ZFAND3: variants seen among roughly 807,000 people sequenced by gnomAD.
ZFAND3 encodes the protein AN1-type zinc finger protein 3.
A neutral mutation model predicts 29.6 loss-of-function variants in ZFAND3; 10 were observed. That is an observed-to-expected ratio of 0.34 (90% CI 0.21 to 0.57). The LOEUF (loss-of-function observed/expected upper bound fraction) is 0.57, where lower values mean the gene tolerates loss of function less well. Among genes scored for constraint, ZFAND3 ranks in the 20% least tolerant of loss-of-function variants. The pLI is 0.86. For missense variants in ZFAND3, 230 were observed against 304.5 expected, an observed-to-expected ratio of 0.76 and a Z score of 1.82; for synonymous variants, 128 against 112.6, an observed-to-expected ratio of 1.14 and a Z score of -0.87.
chr6:38,124,719 G>T (rs2127488557), intron 5 of ZFAND3, among the ~76,000 whole-genome samples: 1 of 152,336 alleles, frequency 6.6e-6, no homozygotes, highest in South Asian at 2.1e-4. Context: ...CTCCCTGCAA[G>T]CTGAGGGAGC....
chr6:37,894,034 C>G (rs576853942), intron 1 of ZFAND3, among the ~76,000 whole-genome samples: 33 of 152,190 alleles, frequency 2.2e-4, no homozygotes, highest in Admixed American at 1.9e-3. Flanking sequence ...GTGAGTGGAT[C>G]CCTTGAGTCC....
At chr6:37,837,833 T>C (rs909979751) in intron 1 of ZFAND3, among the ~76,000 whole-genome samples, 1 of 152,160 alleles carries the variant, frequency 6.6e-6, no homozygotes, top group Non-Finnish European at 1.5e-5. Context: ...GAACAACATA[T>C]ATAGAGAACA....
At chr6:38,030,740 G>C (rs1388276926) in intron 2 of ZFAND3, among the ~76,000 whole-genome samples, 1 of 152,068 alleles carries the variant, frequency 6.6e-6, no homozygotes, top group African/African-American at 2.4e-5. Context: ...AACCAAGGGA[G>C]TCTATGACCT....
chr6:37,846,013 C>G (rs1764170881), intron 1 of ZFAND3, among the ~76,000 whole-genome samples: 1 of 152,202 alleles, frequency 6.6e-6, no homozygotes, highest in Non-Finnish European at 1.5e-5. Flanking sequence ...ATCTCTACCT[C>G]AGCTCTTAGA....
chr6:38,080,596 C>T lies in ZFAND3; in HGVS notation c.296-1796C>T, dbSNP rs189760576. On this transcript the variant is annotated intron_variant, in intron 3 of 5. Transcript: ENST00000287218. Reference sequence around the variant, plus strand: ...TTTTTGTTTGTTTTGTTAAAGAAACCGAGGATCACTTATCCAAGATTACTC... The same window carrying T: ...TTTTTGTTTGTTTTGTTAAAGAAACTGAGGATCACTTATCCAAGATTACTC... 3.3e-3 allele frequency among the ~76,000 whole-genome samples: 502 copies of T among 152,088 alleles called. 1 individual carries two copies. Among genetic ancestry groups the T allele is most frequent in the Non-Finnish European group, 5.3e-3 (357 of 67,992 alleles).
intron 5 of ZFAND3, among the ~76,000 whole-genome samples, chr6:38,128,382 A>G (rs1329840090): frequency 1.3e-5 from 2 of 152,180 alleles, no homozygotes; most frequent in African/African-American, 4.8e-5. Context: ...TTGTTTGTTT[A>G]CATGATTAAA....
intron 1 of ZFAND3, among the ~76,000 whole-genome samples, chr6:37,896,613 T>G (rs1384033828): frequency 1.4e-5 from 2 of 147,978 alleles, no homozygotes; most frequent in African/African-American, 5.0e-5. Flanking sequence ...TCTCTCTTTC[T>G]TTCTTTTCTT....
At chr6:38,137,138 A>G (rs1022378526) in intron 5 of ZFAND3, among the ~76,000 whole-genome samples, 1 of 152,262 alleles carries the variant, frequency 6.6e-6, no homozygotes, top group African/African-American at 2.4e-5. Flanking sequence ...CCAGGAGAGT[A>G]TCCAGTGCTA....
At chr6:37,848,695 C>T (rs1023042540) in intron 1 of ZFAND3, among the ~76,000 whole-genome samples, 3 of 152,116 alleles carry the variant, frequency 2.0e-5, no homozygotes, top group Admixed American at 6.5e-5. Flanking sequence ...AGAGCTGTCT[C>T]GCTTAGAATG....
chr6:37,985,231 G>T (rs1423073835), intron 2 of ZFAND3, among the ~76,000 whole-genome samples: 1 of 152,168 alleles, frequency 6.6e-6, no homozygotes, highest in Non-Finnish European at 1.5e-5. Flanking sequence ...GCTGAGATAG[G>T]AGGATCACTT....
intron 1 of ZFAND3, among the ~76,000 whole-genome samples, chr6:37,867,175 C>G (rs1431949168): frequency 1.3e-5 from 2 of 152,184 alleles, no homozygotes; most frequent in African/African-American, 4.8e-5. Flanking sequence ...TTTGAAGAAA[C>G]TTGGATTTCC....
At chr6:37,955,624 T>C (rs986343865) in intron 2 of ZFAND3, among the ~76,000 whole-genome samples, 1 of 152,232 alleles carries the variant, frequency 6.6e-6, no homozygotes, top group Non-Finnish European at 1.5e-5. Flanking sequence ...GTAACTATTA[T>C]AAACCACTTA....
chr6:38,029,024 CA>C (rs1473707529), intron 2 of ZFAND3, among the ~76,000 whole-genome samples: 1 of 152,128 alleles, frequency 6.6e-6, no homozygotes, highest in Non-Finnish European at 1.5e-5. Context: ...TTGAACTTTA[CA>C]TAATAACCGG....
At chr6:37,958,306 T>A (rs1762135890) in intron 2 of ZFAND3, among the ~76,000 whole-genome samples, 1 of 152,028 alleles carries the variant, frequency 6.6e-6, no homozygotes, top group Admixed American at 6.6e-5. Context: ...ATACAAAGAT[T>A]AGCTGGGCGT....
intron 2 of ZFAND3, among the ~76,000 whole-genome samples, chr6:38,047,492 C>T (rs1763927372): frequency 6.6e-6 from 1 of 152,026 alleles, no homozygotes; most frequent in Non-Finnish European, 1.5e-5. Flanking sequence ...AATAAGATTA[C>T]TCAAAATTAC....
At chr6:38,066,793 T>G in intron 3 of ZFAND3, among the ~76,000 whole-genome samples, 1 of 152,186 alleles carries the variant, frequency 6.6e-6, no homozygotes, top group Admixed American at 6.5e-5. Context: ...CAAAAGTATG[T>G]AAAACTTAGA....
At chr6:38,141,979 G>A (rs191520965) in intron 5 of ZFAND3, among the ~76,000 whole-genome samples, 115 of 152,336 alleles carry the variant, frequency 7.5e-4, no homozygotes, top group African/African-American at 2.6e-3. Context: ...ACACAGCGGA[G>A]GTTCTTCAAG....
chr6:37,884,242 C>A (rs1431995348), intron 1 of ZFAND3, among the ~76,000 whole-genome samples: 1 of 144,520 alleles, frequency 6.9e-6, no homozygotes, highest in East Asian at 2.0e-4. Flanking sequence ...GCCTGTAATC[C>A]CAGCACTTTG....
chr6:37,861,027 G>A (rs976133139), intron 1 of ZFAND3, among the ~76,000 whole-genome samples: 2 of 152,096 alleles, frequency 1.3e-5, no homozygotes, highest in African/African-American at 2.4e-5. Context: ...GGGAGTCCCA[G>A]GCGGGCAAAT....
Sources: gnomAD v4.1 joint callset for allele counts (sites outside exome capture counted in the v4.1 genomes callset) on GRCh38, gnomAD v4.1.1 for gene constraint, MANE v1.5 for transcripts, NCBI Gene and HGNC (gene_info 2026-07-23, HGNC 2026-07-21) for gene names.